Variants in RAB8A observed in about 807,000 individuals in gnomAD.
RAB8A encodes the protein ras-related protein Rab-8A.
In RAB8A, 5 loss-of-function variants were observed where a neutral mutation model predicts 29.2. That is an observed-to-expected ratio of 0.17 (90% CI 0.09 to 0.36). The LOEUF (loss-of-function observed/expected upper bound fraction) is 0.36, where lower values mean the gene tolerates loss of function less well. Ranked by LOEUF, RAB8A falls within the 10% of genes least tolerant of loss-of-function variation. The probability of loss-of-function intolerance (pLI) is 1.00; values close to 1 mark genes in which losing one functional copy is unlikely to be tolerated. For synonymous variants in RAB8A, 108 were observed against 99.9 expected, an observed-to-expected ratio of 1.08 and a Z score of -0.49; for missense variants, 171 against 272.2, an observed-to-expected ratio of 0.63 and a Z score of 2.62.
chr19:16,131,155 T>C (rs1435019102), intron 7 of RAB8A, among the ~76,000 whole-genome samples: 1 of 152,036 alleles, frequency 6.6e-6, no homozygotes, highest in African/African-American at 2.4e-5. Flanking sequence ...AGGATCTCAC[T>C]TGTTACCCAG....
At chr19:16,114,852 G>A (rs1401714377) in intron 1 of RAB8A, among the ~76,000 whole-genome samples, 2 of 127,172 alleles carry the variant, frequency 1.6e-5, no homozygotes, top group Non-Finnish European at 3.1e-5. Context: ...GTAGCCTTCT[G>A]TCTTCTAGGA....
At position 16,122,179 on chromosome 19, in the gene RAB8A, C is replaced by T. The variant is rs956786349; in HGVS notation, c.246+369C>T. On this transcript the variant is annotated intron_variant, in intron 3 of 7. Coordinates refer to ENST00000300935, the MANE Select transcript of RAB8A (RefSeq NM_005370.5). This position sits in a 1 kb window ranked among gnomAD's most constrained non-coding sequence, Gnocchi z 4.7. ...TGTCTCTGAAATTTGCTACCAAAAG[C>T]TTGAAGATCTTCCAGGAGCTGACCT... 10 of 195,300 alleles carry T rather than the reference C, an allele frequency of 5.1e-5. No individual in the cohort carries two copies. Among genetic ancestry groups the T allele is most frequent in the Non-Finnish European group, 9.5e-5 (9 of 94,362 alleles). The allele number at this position is 195,300 out of a possible 1,614,324, so 12.1% of individuals were successfully genotyped here. A position where few individuals can be genotyped will look rare whatever the true frequency, so the allele number is the denominator to read the frequency against.
chr19:16,125,642 T>TA lies in RAB8A; in HGVS notation c.324+96dup, dbSNP rs2090897118. On this transcript the variant is annotated intron_variant, in intron 4 of 7. Transcript: ENST00000300935. The surrounding 1 kb of genome is among the most constrained non-coding windows in gnomAD (Gnocchi z 5.0). ...GAGAAGGCCAAGGTGCAGAGACACA[T>TA]ACAGGCCACTTGCCCACAGCCTCCT... 1.7e-6 allele frequency: 2 copies of TA among 1,168,936 alleles called. No individual in the cohort carries two copies. The highest frequency in any genetic ancestry group is 2.5e-6 in the Non-Finnish European group (2 of 796,700). The allele number at this position is 1,168,936 out of a possible 1,614,324, so 72.4% of individuals were successfully genotyped here.
rs533221497 is a variant in RAB8A at position 16,132,085 on chromosome 19, G to C, written c.532-127G>C. The C allele has an allele frequency of 1.4e-6, 1 of 739,558 alleles. No homozygotes were observed. Among genetic ancestry groups the C allele is most frequent in the East Asian group, 2.7e-5 (1 of 36,982 alleles). 45.8% of individuals were successfully genotyped at this position (739,558 alleles called of 1,614,324 possible). ...TTTGATTGGTTTGGTTGTTTGGTTGGTTGGTTGGTTGGTTGGTTGGATGGT... is the reference window on the plus strand; with the variant it reads ...TTTGATTGGTTTGGTTGTTTGGTTGCTTGGTTGGTTGGTTGGTTGGATGGT... On this transcript the variant is annotated intron_variant, in intron 7 of 7. Transcript: ENST00000300935. This position sits in a 1 kb window ranked among gnomAD's most constrained non-coding sequence, Gnocchi z 5.6.
chr19:16,112,385 A>T, intron 1 of RAB8A: 1 of 248,436 alleles, frequency 4.0e-6, no homozygotes. Flanking sequence ...AAACTGAGTC[A>T]TGGGGAATTG....
intron 3 of RAB8A, among the ~76,000 whole-genome samples, chr19:16,123,099 T>C (rs551697550): frequency 6.6e-6 from 1 of 152,266 alleles, no homozygotes; most frequent in African/African-American, 2.4e-5. Flanking sequence ...TCATCCCTGT[T>C]TTATAACAAA....
Position 16,125,341 on chromosome 19 carries a change from G to A in RAB8A, c.247-129G>A, listed in dbSNP as rs562019431. On this transcript the variant is annotated intron_variant, in intron 3 of 7. Transcript: ENST00000300935. This position sits in a 1 kb window ranked among gnomAD's most constrained non-coding sequence, Gnocchi z 5.0. ...TTCCGGGGCTCCACAGAGGTGGGGA[G>A]GGCGGCAGCTAATGGGCCTGGCTGT... 1.6e-3 allele frequency: 1,187 copies of A among 748,096 alleles called. 16 individuals are homozygous for A. The African/African-American group carries it at 0.018, about 11-fold the overall frequency. The allele number at this position is 748,096 out of a possible 1,614,324, so 46.3% of individuals were successfully genotyped here.
At chr19:16,116,766 C>T (rs886269887) in intron 1 of RAB8A, among the ~76,000 whole-genome samples, 1 of 151,832 alleles carries the variant, frequency 6.6e-6, no homozygotes, top group South Asian at 2.1e-4. Context: ...ACCCGGGAGG[C>T]AGAGGTTGCA....
chr19:16,117,900 A>G (rs1176729278), intron 1 of RAB8A, among the ~76,000 whole-genome samples: 1 of 152,178 alleles, frequency 6.6e-6, no homozygotes, highest in Non-Finnish European at 1.5e-5. Flanking sequence ...CAAGGGACTC[A>G]GGCCTGCAGA....
rs182848905 is a variant in RAB8A at position 16,128,146 on chromosome 19, G to T, written c.480+55G>T. On this transcript the variant is annotated intron_variant, in intron 6 of 7. Transcript: ENST00000300935. ...GGGCCTGCAGGATCGGCCCCTTCAG[G>T]CTAAAGGGGGAGCTGGCGTCCTCCG... is the stretch of plus-strand genomic sequence containing the variant. 2.4e-4 allele frequency: 372 copies of T among 1,572,436 alleles called. 1 individual carries two copies. The highest frequency in any genetic ancestry group is 2.0e-3 in the Middle Eastern group (12 of 5,982).
chr19:16,121,520 G>A (rs1428230796), intron 2 of RAB8A, among the ~76,000 whole-genome samples: 3 of 152,106 alleles, frequency 2.0e-5, no homozygotes, highest in Non-Finnish European at 2.9e-5. Flanking sequence ...AGGAGAAGGC[G>A]CATGGGTCAG....
intron 2 of RAB8A, 84 bp downstream of exon 2, chr19:16,118,370 C>T: frequency 7.7e-7 from 1 of 1,298,634 alleles, no homozygotes; most frequent in Non-Finnish European, 1.1e-6. Flanking sequence ...TCCACCGTCC[C>T]TGTGACCTTG....
At chr19:16,126,031 C>G (rs1315887857) in intron 4 of RAB8A, 1 of 209,778 alleles carries the variant, frequency 4.8e-6, no homozygotes, top group East Asian at 9.8e-5. Flanking sequence ...CCTCCCCTCC[C>G]AAAGCCAGCA....
intron 6 of RAB8A, among the ~76,000 whole-genome samples, chr19:16,129,022 C>T (rs568677275): frequency 5.6e-4 from 86 of 152,340 alleles, no homozygotes; most frequent in African/African-American, 1.9e-3. Context: ...AACCTGCTCC[C>T]GCTCCCAGCC....
intron 2 of RAB8A, among the ~76,000 whole-genome samples, chr19:16,119,843 T>C (rs2090865734): frequency 2.6e-5 from 4 of 151,978 alleles, no homozygotes. Context: ...GACAGAGTTT[T>C]GCTCTTGTTG....
intron 1 of RAB8A, among the ~76,000 whole-genome samples, chr19:16,113,324 C>T (rs759250695): frequency 2.0e-5 from 3 of 152,196 alleles, no homozygotes; most frequent in Admixed American, 6.5e-5. Context: ...TTGACAGAAT[C>T]GTGTTATCTC....
intron 1 of RAB8A, among the ~76,000 whole-genome samples, chr19:16,115,267 A>T (rs1157940666): frequency 7.3e-5 from 11 of 151,704 alleles, no homozygotes; most frequent in African/African-American, 2.4e-4. Flanking sequence ...CAGCCTGGGC[A>T]ACAGAGCAAA....
chr19:16,131,687 T>C (rs2090924986), intron 7 of RAB8A, among the ~76,000 whole-genome samples: 1 of 145,862 alleles, frequency 6.9e-6, no homozygotes, highest in Admixed American at 6.8e-5. Context: ...AGGGGATGGA[T>C]GGTTGGAAGA....
In RAB8A at chr19:16,125,174, C is replaced by T. The variant is rs536900600; in HGVS notation, c.247-296C>T. On this transcript the variant is annotated intron_variant, in intron 3 of 7. Transcript: ENST00000300935. This position sits in a 1 kb window ranked among gnomAD's most constrained non-coding sequence, Gnocchi z 5.0. ...CCACCCCGTGGGCCATGAGGGGAGC[C>T]AGCCGGGCTTGTCAGCGAGTGCGTG... The T allele has an allele frequency of 2.0e-6, 1 of 497,938 alleles. No individual in the cohort carries two copies. The highest frequency in any genetic ancestry group is 1.9e-5 in the African/African-American group (1 of 51,920). 30.8% of individuals were successfully genotyped at this position (497,938 alleles called of 1,614,324 possible).
Sources: gnomAD v4.1 joint callset for allele counts (sites outside exome capture counted in the v4.1 genomes callset) on GRCh38, gnomAD v4.1.1 for gene constraint, Gnocchi (gnomAD v3.1) non-coding constraint, MANE v1.5 for transcripts, NCBI Gene and HGNC (gene_info 2026-07-23, HGNC 2026-07-21) for gene names.